Variants in APBA2 observed in about 807,000 individuals in gnomAD.
APBA2 encodes the protein amyloid-beta A4 precursor protein-binding family A member 2.
Under a neutral mutation model 75.0 loss-of-function variants are expected in APBA2, and 30 were observed. The ratio of observed to expected loss-of-function variants is 0.40; its 90% CI spans 0.30 to 0.54. The LOEUF (loss-of-function observed/expected upper bound fraction) is 0.54. Among genes scored for constraint, APBA2 ranks in the 20% least tolerant of loss-of-function variants. The pLI is 0.49. For synonymous variants in APBA2, 444 were observed against 409.6 expected (o/e 1.08, Z -1.01); for missense variants, 801 against 1,016.1 (o/e 0.79, Z 2.88).
chr15:29,022,958 A>T, intron 3 of APBA2, among the ~76,000 whole-genome samples: 1 of 152,048 alleles, frequency 6.6e-6, no homozygotes, highest in East Asian at 1.9e-4. Flanking sequence ...GCTATTGTGT[A>T]TGAAATATTT....
At chr15:29,067,412 A>G (rs2042425414) in intron 4 of APBA2, among the ~76,000 whole-genome samples, 1 of 152,118 alleles carries the variant, frequency 6.6e-6, no homozygotes, top group Non-Finnish European at 1.5e-5. Context: ...GGGTCGGCAC[A>G]TCCCTGGGAG....
chr15:29,020,036 T>TA (rs1369032384), intron 3 of APBA2, among the ~76,000 whole-genome samples: 23 of 152,382 alleles, frequency 1.5e-4, no homozygotes, highest in African/African-American at 5.5e-4. Context: ...AAGTCAAGTA[T>TA]ATTTGCCTGT....
chr15:28,937,172 A>T (rs1430623688), intron 2 of APBA2, among the ~76,000 whole-genome samples: 1 of 151,892 alleles, frequency 6.6e-6, no homozygotes, highest in Non-Finnish European at 1.5e-5. Context: ...TATACCGGGG[A>T]CAGTGTGCTG....
intron 3 of APBA2, among the ~76,000 whole-genome samples, chr15:29,051,944 T>G (rs2041614076): frequency 6.6e-6 from 1 of 152,188 alleles, no homozygotes; most frequent in African/African-American, 2.4e-5. Flanking sequence ...CTCTACTGTT[T>G]TAGTTTAAGC....
intron 3 of APBA2, among the ~76,000 whole-genome samples, chr15:29,016,026 A>G (rs965351139): frequency 2.4e-4 from 36 of 152,322 alleles, no homozygotes; most frequent in Middle Eastern, 3.4e-3. Flanking sequence ...TGGGAGGCCA[A>G]GGCGGGCGGA....
At chr15:29,031,965 G>A (rs2040510789) in intron 3 of APBA2, among the ~76,000 whole-genome samples, 1 of 152,220 alleles carries the variant, frequency 6.6e-6, no homozygotes, top group Non-Finnish European at 1.5e-5. Flanking sequence ...AAAGGAAGGT[G>A]GTGTTAACCA....
chr15:29,025,689 C>T (rs1032006582), intron 3 of APBA2, among the ~76,000 whole-genome samples: 7 of 151,106 alleles, frequency 4.6e-5, no homozygotes, highest in East Asian at 2.0e-4. Flanking sequence ...TGGTGGCTCA[C>T]GCCTATAATC....
At chr15:29,055,315 C>T (rs949249718) in intron 4 of APBA2, among the ~76,000 whole-genome samples, 13 of 152,114 alleles carry the variant, frequency 8.5e-5, no homozygotes, top group African/African-American at 1.7e-4. Context: ...TCACAATGGA[C>T]GGGTCTCTGA....
Position 29,054,091 on chromosome 15 carries a change from T to C in APBA2, c.207T>C (p.Asp69=). Residue 69 remains aspartate, a synonymous_variant, in exon 4 of 15, where the codon GAT becomes GAC. Coordinates refer to ENST00000683413, the MANE Select transcript of APBA2 (RefSeq NM_001353788.2). The surrounding 1 kb of genome is among the most constrained non-coding windows in gnomAD (Gnocchi z 6.1). ...EEQECHNHSP[D]GDSSSDYVNN... ...AGGAGTGCCACAACCACAGCCCCGA[T>C]GGGGACTCCAGCTCTGACTACGTGA... 3 of 1,614,054 alleles carry C rather than the reference T, an allele frequency of 1.9e-6. No homozygotes were observed. The highest frequency in any genetic ancestry group is 2.5e-6 in the Non-Finnish European group (3 of 1,180,014).
chr15:29,064,465 TC>T, intron 4 of APBA2, among the ~76,000 whole-genome samples: 1 of 152,212 alleles, frequency 6.6e-6, no homozygotes, highest in Middle Eastern at 3.4e-3. Context: ...CATGAGACTC[TC>T]CCCGCCCCCA....
At chr15:28,982,557 A>G (rs1057135328) in intron 2 of APBA2, among the ~76,000 whole-genome samples, 1 of 152,222 alleles carries the variant, frequency 6.6e-6, no homozygotes, top group Non-Finnish European at 1.5e-5. Flanking sequence ...AGGCTGGTTC[A>G]GGGAAGATAT....
At chr15:29,098,345 C>G (rs1216171966) in intron 8 of APBA2, 145 bp from the exon 9 acceptor site, 5 of 703,284 alleles carry the variant, frequency 7.1e-6, no homozygotes, top group Non-Finnish European at 1.3e-5. Context: ...GCCATTCTGA[C>G]AGATATGAAA....
At chr15:28,972,571 A>C (rs1449772940) in intron 2 of APBA2, among the ~76,000 whole-genome samples, 1 of 152,264 alleles carries the variant, frequency 6.6e-6, no homozygotes, top group Non-Finnish European at 1.5e-5. Flanking sequence ...GCAATGCACA[A>C]TACTTTTAAG....
Position 29,054,432 on chromosome 15 carries a change from A to G in APBA2, c.548A>G (p.Asp183Gly), listed in dbSNP as rs1188269429. 3.1e-6 allele frequency: 5 copies of G among 1,614,012 alleles called. No individual in the cohort carries two copies. Among genetic ancestry groups the G allele is most frequent in the Non-Finnish European group, 4.2e-6 (5 of 1,180,036 alleles). Residue 183 changes from aspartate (D) to glycine (G), a missense_variant, in exon 4 of 15, where the codon GAT (aspartate) becomes GGT (glycine). Transcript: ENST00000683413. The surrounding 1 kb of genome is among the most constrained non-coding windows in gnomAD (Gnocchi z 6.1). ...CTTGAGGCCCATGACCAGGAAGAAG[A>G]TGGTCACTACTGTGCCAGCAAAGAG... ...SVLEAHDQEE[D>G]GHYCASKEGY...
chr15:28,891,634 A>G (rs144129477), intron 1 of APBA2, among the ~76,000 whole-genome samples: 65,626 of 152,026 alleles, frequency 0.43, 14,482 homozygotes, highest in Non-Finnish European at 0.47. Flanking sequence ...CTTGAAGCCA[A>G]CATGGATTCT....
At position 29,008,412 on chromosome 15, in the gene APBA2, A is replaced by G. The variant is rs76586766; in HGVS notation, c.-41+12606A>G. Among the ~76,000 whole-genome samples, 832 of 151,840 alleles carry G rather than the reference A, an allele frequency of 5.5e-3. 12 individuals carry two copies. The highest frequency in any genetic ancestry group is 0.019 in the African/African-American group (794 of 41,404). ...TTTATGTTACGTGTATTTTACCACAATTTTTTTTTCTTACAACGGAAAGGA... is the reference window on the plus strand; with the variant it reads ...TTTATGTTACGTGTATTTTACCACAGTTTTTTTTTCTTACAACGGAAAGGA... On this transcript the variant is annotated intron_variant, in intron 3 of 14. Coordinates refer to ENST00000683413, the MANE Select transcript of APBA2 (RefSeq NM_001353788.2).
chr15:29,108,766 C>A, intron 13 of APBA2: 1 of 372,962 alleles, frequency 2.7e-6, no homozygotes, highest in Non-Finnish European at 5.1e-6. Flanking sequence ...TTCATTCATT[C>A]ATGTACTCAT....
At chr15:28,984,675 A>C (rs7170343) in intron 2 of APBA2, among the ~76,000 whole-genome samples, 52,548 of 149,628 alleles carry the variant, frequency 0.35, 16,341 homozygotes, top group African/African-American at 0.82. Context: ...GCTGCTGTAT[A>C]TCTCTCTCTG....
intron 3 of APBA2, among the ~76,000 whole-genome samples, chr15:29,033,019 A>G (rs1440840090): frequency 2.0e-5 from 3 of 152,194 alleles, no homozygotes; most frequent in Non-Finnish European, 2.9e-5. Flanking sequence ...GTGCTGAGGA[A>G]TGGGAGCGTT....
Sources: gnomAD v4.1 joint callset for allele counts (sites outside exome capture counted in the v4.1 genomes callset) on GRCh38, gnomAD v4.1.1 for gene constraint, Gnocchi (gnomAD v3.1) non-coding constraint, MANE v1.5 for transcripts, NCBI Gene and HGNC (gene_info 2026-07-23, HGNC 2026-07-21) for gene names.